EIF2AK1: variants seen among roughly 807,000 people sequenced by gnomAD.
The protein encoded by EIF2AK1 is eukaryotic translation initiation factor 2 alpha kinase 1, also known as eukaryotic translation initiation factor 2-alpha kinase 1.
A neutral mutation model predicts 77.9 loss-of-function variants in EIF2AK1; 54 were observed. That is an observed-to-expected ratio of 0.69 (90% CI 0.56 to 0.87). The LOEUF is 0.87. EIF2AK1 is among the 40% of genes least tolerant of loss of function. The pLI is 0.00. For missense variants in EIF2AK1, 810 were observed against 768.6 expected, an observed-to-expected ratio of 1.05 and a Z score of -0.64; for synonymous variants, 314 against 290.5, an observed-to-expected ratio of 1.08 and a Z score of -0.82.
At chr7:6,042,837 G>C (rs1039647829) in intron 8 of EIF2AK1, 96 bp downstream of exon 8, 11 of 1,024,382 alleles carry the variant, frequency 1.1e-5, no homozygotes, top group East Asian at 5.0e-5. Context: ...CTGCACTCTA[G>C]TCTGGGTGAC....
rs918650339 is a variant in EIF2AK1 at position 6,033,000 on chromosome 7, G to A, written c.1333-3968C>T. On this transcript the variant is annotated intron_variant, in intron 11 of 14. Coordinates refer to ENST00000199389, the MANE Select transcript of EIF2AK1 (RefSeq NM_014413.4). The surrounding 1 kb of genome is among the most constrained non-coding windows in gnomAD (Gnocchi z 4.3). ...TTTTTTGTTTTGAGGCAGGGGTCTC[G>A]CTCTGTTGCCCAGGCTGGAGTGCAA... 1.0e-5 allele frequency: 14 copies of A among 1,394,624 alleles called. No individual in the cohort carries two copies. The highest frequency in any genetic ancestry group is 7.2e-5 in the African/African-American group (5 of 69,584). The allele number at this position is 1,394,624 out of a possible 1,614,324, so 86.4% of individuals were successfully genotyped here.
In EIF2AK1 at chr7:6,023,093, CTT is replaced by C. The variant is rs376011030; in HGVS notation, c.*1578_*1579del. 180 of 576,786 alleles carry C rather than the reference CTT, an allele frequency of 3.1e-4. No individual in the cohort carries two copies. The highest frequency in any genetic ancestry group is 3.1e-3 in the African/African-American group (163 of 53,282). 35.7% of individuals were successfully genotyped at this position (576,786 alleles called of 1,614,324 possible). On this transcript the variant is annotated 3_prime_UTR_variant, in exon 15 of 15. Coordinates refer to ENST00000199389, the MANE Select transcript of EIF2AK1 (RefSeq NM_014413.4). ...TCATAATCAAATACCAGGAATGACT[CTT>C]TGGTTACTTTTTTAACATAGTTTGC...
chr7:6,041,878 A>T (rs568808337), intron 8 of EIF2AK1, among the ~76,000 whole-genome samples: 3 of 151,672 alleles, frequency 2.0e-5, no homozygotes, highest in African/African-American at 7.3e-5. Flanking sequence ...GTCTGGCACA[A>T]TGGCTCATGC....
Position 6,024,779 on chromosome 7 carries a change from T to C in EIF2AK1, c.1787A>G (p.Lys596Arg). Residue 596 changes from lysine (K) to arginine (R), a missense_variant, in exon 15 of 15, where the codon AAG (lysine) becomes AGG (arginine). Transcript: ENST00000199389. ...SGNVNLTLQM[K>R]IIEQEKEIAE... ...AATTTCTTTTTCTTGCTCTATTATC[T>C]TCATCTGTAGGGTGAGGTTAACCTG... 1 of 1,577,464 alleles carries C rather than the reference T, an allele frequency of 6.3e-7. No homozygotes were observed. The highest frequency in any genetic ancestry group is 1.2e-5 in the South Asian group (1 of 85,120).
intron 14 of EIF2AK1, among the ~76,000 whole-genome samples, chr7:6,025,800 A>C (rs1407473479): frequency 1.3e-5 from 2 of 151,620 alleles, no homozygotes; most frequent in Non-Finnish European, 2.9e-5. Flanking sequence ...ACGCCCGGCT[A>C]ATTTTTGTAC....
intron 7 of EIF2AK1, among the ~76,000 whole-genome samples, chr7:6,043,309 G>T (rs1191621662): frequency 6.6e-6 from 1 of 152,110 alleles, no homozygotes; most frequent in Non-Finnish European, 1.5e-5. Flanking sequence ...AGGCCCAGTG[G>T]CTCATGCCTG....
At chr7:6,037,603 A>AG in intron 10 of EIF2AK1, 79 bp from the exon 11 acceptor site, 6 of 841,772 alleles carry the variant, frequency 7.1e-6, no homozygotes, top group Non-Finnish European at 1.2e-5. Context: ...ATGTCATTCT[A>AG]AATACATTAA....
rs769985103 is a variant in EIF2AK1 at position 6,049,872 on chromosome 7, A to G, written c.411+40T>C. The stretch of plus-strand genomic sequence containing the variant: ...AATATAATTATCTTAAAATTAAAGT[A>G]TATTTTTGTCATACCCAAAGTATAT... On this transcript the variant is annotated intron_variant, in intron 3 of 14. Transcript: ENST00000199389. 6 of 1,548,300 alleles carry G rather than the reference A, an allele frequency of 3.9e-6. No individual in the cohort carries two copies. The Admixed American group carries it at 1.0e-4, about 26-fold the overall frequency.
intron 14 of EIF2AK1, among the ~76,000 whole-genome samples, chr7:6,026,137 G>C (rs1324188066): frequency 1.3e-5 from 2 of 152,122 alleles, no homozygotes; most frequent in Non-Finnish European, 2.9e-5. Context: ...ACACTCTTCA[G>C]CACTACCCGG....
At chr7:6,056,501 G>A (rs1363189007) in intron 1 of EIF2AK1, among the ~76,000 whole-genome samples, 131 of 147,742 alleles carry the variant, frequency 8.9e-4, no homozygotes, top group African/African-American at 3.1e-3. Flanking sequence ...GGCTGAGGCA[G>A]AGAACTGCTT....
chr7:6,055,963 A>G (rs1043431901), intron 1 of EIF2AK1, among the ~76,000 whole-genome samples: 3 of 143,150 alleles, frequency 2.1e-5, no homozygotes, highest in African/African-American at 7.9e-5. Flanking sequence ...AGCCTGGGCA[A>G]CAAAGTGAAA....
At chr7:6,031,538 C>T (rs2128886169) in intron 11 of EIF2AK1, 1 of 1,550,764 alleles carries the variant, frequency 6.4e-7, no homozygotes, top group East Asian at 2.4e-5. Context: ...CCCTGTCAAC[C>T]AGCCCATCAC....
chr7:6,024,353 G>A lies in EIF2AK1; in HGVS notation c.*320C>T. 3 of 1,213,496 alleles carry A rather than the reference G, an allele frequency of 2.5e-6. No individual in the cohort carries two copies. Among genetic ancestry groups the A allele is most frequent in the Non-Finnish European group, 3.1e-6 (3 of 970,816 alleles). The allele number at this position is 1,213,496 out of a possible 1,614,324, so 75.2% of individuals were successfully genotyped here. ...CGGGCTTGGGCAGTGACGAGGGCAG[G>A]GAGCACACATCAATTTCTGCGGTAC... On this transcript the variant is annotated 3_prime_UTR_variant, in exon 15 of 15. Coordinates refer to ENST00000199389, the MANE Select transcript of EIF2AK1 (RefSeq NM_014413.4).
chr7:6,055,679 A>G (rs1377398714), intron 1 of EIF2AK1, among the ~76,000 whole-genome samples: 2 of 139,168 alleles, frequency 1.4e-5, no homozygotes, highest in Admixed American at 7.2e-5. Flanking sequence ...AAACAGGTAA[A>G]AAAAAAAAAA....
intron 4 of EIF2AK1, chr7:6,047,703 T>C (rs1788486290): frequency 6.3e-6 from 1 of 157,608 alleles, no homozygotes; most frequent in Admixed American, 6.3e-5. Context: ...GAAATTTCTT[T>C]TTTATTTATT....
Position 6,027,102 on chromosome 7 carries a change from AG to A in EIF2AK1, c.1531-142del. ...TCACCCACAAGGAAGGGAACAGAGC[AG>A]GATAGCTCATCAGTGACAGGGACTT... On this transcript the variant is annotated intron_variant, in intron 13 of 14. Coordinates refer to ENST00000199389, the MANE Select transcript of EIF2AK1 (RefSeq NM_014413.4). The surrounding 1 kb of genome is among the most constrained non-coding windows in gnomAD (Gnocchi z 4.5). The A allele has an allele frequency of 1.4e-6, 1 of 691,046 alleles. No individual in the cohort carries two copies. Among genetic ancestry groups the A allele is most frequent in the South Asian group, 1.8e-5 (1 of 54,666 alleles). 42.8% of individuals were successfully genotyped at this position (691,046 alleles called of 1,614,324 possible).
intron 10 of EIF2AK1, 108 bp downstream of exon 10, chr7:6,038,452 A>C (rs1025606968): frequency 1.4e-6 from 1 of 706,364 alleles, no homozygotes; most frequent in Non-Finnish European, 2.3e-6. Flanking sequence ...AAAATAAAAT[A>C]AATAAAAAAT....
At chr7:6,026,229 C>A (rs188839717) in intron 14 of EIF2AK1, among the ~76,000 whole-genome samples, 1 of 152,142 alleles carries the variant, frequency 6.6e-6, no homozygotes, top group African/African-American at 2.4e-5. Context: ...TCGAGGGACC[C>A]GCCCACCACT....
At chr7:6,039,377 C>A (rs1019074723) in intron 9 of EIF2AK1, among the ~76,000 whole-genome samples, 5 of 151,642 alleles carry the variant, frequency 3.3e-5, no homozygotes, top group Non-Finnish European at 5.9e-5. Flanking sequence ...ATCCCAGCAT[C>A]TTGGAAGGCC....
Sources: allele counts gnomAD v4.1 joint callset (sites outside exome capture counted in the v4.1 genomes callset), GRCh38; gene constraint gnomAD v4.1.1; non-coding constraint Gnocchi (gnomAD v3.1); transcripts MANE v1.5; gene names NCBI Gene and HGNC (gene_info 2026-07-23, HGNC 2026-07-21).